DPP6: variants seen among roughly 807,000 people sequenced by gnomAD.
DPP6 encodes the protein A-type potassium channel modulatory protein DPP6.
DPP6 carries 69 observed loss-of-function variants against 122.6 expected under a neutral mutation model. The observed-to-expected ratio is 0.56, with a 90% CI of 0.46 to 0.69. The LOEUF (loss-of-function observed/expected upper bound fraction) is 0.69, where lower values mean the gene tolerates loss of function less well. Among genes scored for constraint, DPP6 ranks in the 30% least tolerant of loss-of-function variants. The pLI is 0.00. For synonymous variants in DPP6, 418 were observed against 433.1 expected (o/e 0.97, Z 0.43); for missense variants, 928 against 1,116.9 (o/e 0.83, Z 2.41).
At position 154,481,689 on chromosome 7, in the gene DPP6, T is replaced by C. The variant is rs1300927315; in HGVS notation, c.457+6652T>C. Among the ~76,000 whole-genome samples the C allele has an allele frequency of 1.3e-5, 2 of 152,106 alleles. No individual in the cohort carries two copies. Among genetic ancestry groups the C allele is most frequent in the African/African-American group, 4.8e-5 (2 of 41,412 alleles). On this transcript the variant is annotated intron_variant, in intron 3 of 25. Transcript: ENST00000377770. This position sits in a 1 kb window ranked among gnomAD's most constrained non-coding sequence, Gnocchi z 4.2. The stretch of plus-strand genomic sequence containing the variant: ...CCAGAGTGGCTCTTACATAGGATGT[T>C]CCTTCTGTCCAGCCCACTCGCTCTC...
chr7:154,547,494 G>C (rs1186871948), intron 4 of DPP6, among the ~76,000 whole-genome samples: 2 of 152,184 alleles, frequency 1.3e-5, no homozygotes, highest in East Asian at 1.9e-4. Context: ...CCTCAGACAG[G>C]ACATGGGCCG....
intron 6 of DPP6, among the ~76,000 whole-genome samples, chr7:154,659,892 T>A (rs10232618): frequency 0.66 from 100,598 of 152,162 alleles, 35,633 homozygotes; most frequent in Non-Finnish European, 0.8. Flanking sequence ...TTAATAGCCA[T>A]TGTTTCTCTT....
At chr7:154,586,780 G>C (rs953145265) in intron 5 of DPP6, among the ~76,000 whole-genome samples, 1 of 152,080 alleles carries the variant, frequency 6.6e-6, no homozygotes, top group Admixed American at 6.5e-5. Flanking sequence ...TGTCCAGCTG[G>C]TGATCTCTTC....
At chr7:154,788,568 G>A (rs1343988284) in intron 10 of DPP6, among the ~76,000 whole-genome samples, 1 of 152,114 alleles carries the variant, frequency 6.6e-6, no homozygotes, top group Non-Finnish European at 1.5e-5. Flanking sequence ...CTTCAGATCA[G>A]CCTAAATTTT....
At chr7:154,035,198 G>A (rs997008817) in intron 1 of DPP6, among the ~76,000 whole-genome samples, 5 of 152,224 alleles carry the variant, frequency 3.3e-5, no homozygotes, top group Admixed American at 6.5e-5. Context: ...TTGGGGTTCA[G>A]TGGACAAGGT....
At chr7:154,172,345 A>G (rs1209540642) in intron 1 of DPP6, among the ~76,000 whole-genome samples, 1 of 152,216 alleles carries the variant, frequency 6.6e-6, no homozygotes, top group African/African-American at 2.4e-5. Context: ...GATGAGACTC[A>G]GGAGGCAAAT....
At chr7:153,866,588 A>G in the DPP6 span, among the ~76,000 whole-genome samples, 2 of 152,074 alleles carry the variant, frequency 1.3e-5, no homozygotes, top group African/African-American at 4.8e-5. Flanking sequence ...ATTTTCTCCC[A>G]TTCTGTAGGT....
At chr7:154,097,323 G>A (rs200445579) in intron 1 of DPP6, among the ~76,000 whole-genome samples, 6,330 of 151,272 alleles carry the variant, frequency 0.042, no homozygotes, top group East Asian at 0.21. Flanking sequence ...ACAACAGCAG[G>A]AGCAGCAGCA....
chr7:153,942,037 C>T (rs1801718789), intron 1 of DPP6, among the ~76,000 whole-genome samples: 3 of 152,192 alleles, frequency 2.0e-5, no homozygotes, highest in African/African-American at 4.8e-5. Flanking sequence ...TGAAAAGATG[C>T]TGGATAGAGA....
chr7:154,696,814 A>C (rs1023150446), intron 7 of DPP6, among the ~76,000 whole-genome samples: 1 of 152,198 alleles, frequency 6.6e-6, no homozygotes, highest in Non-Finnish European at 1.5e-5. Flanking sequence ...GTGGGCAGCC[A>C]AAGGCCGATT....
the DPP6 span, among the ~76,000 whole-genome samples, chr7:153,848,230 C>T: frequency 6.6e-6 from 1 of 151,952 alleles, no homozygotes; most frequent in Non-Finnish European, 1.5e-5. Flanking sequence ...GGGTAATTAA[C>T]ATGGTCGCCC....
At chr7:154,285,608 CA>C (rs1216032736) in intron 1 of DPP6, among the ~76,000 whole-genome samples, 1 of 152,160 alleles carries the variant, frequency 6.6e-6, no homozygotes, top group East Asian at 1.9e-4. Flanking sequence ...TATAAAATCA[CA>C]GCCATAGTAA....
chr7:154,282,255 A>T lies in DPP6; in HGVS notation c.244-163959A>T, dbSNP rs927304263. ...GGTTTTCATTGATGGTGGCAGCTTT[A>T]GCCAGGCAGTGGTTTCCCTGTTGTA... On this transcript the variant is annotated intron_variant, in intron 1 of 25. Coordinates refer to ENST00000377770, the MANE Select transcript of DPP6 (RefSeq NM_130797.4). This position sits in a 1 kb window ranked among gnomAD's most constrained non-coding sequence, Gnocchi z 4.8. 7.2e-5 allele frequency among the ~76,000 whole-genome samples: 11 copies of T among 152,102 alleles called. No individual in the cohort carries two copies. Among genetic ancestry groups the T allele is most frequent in the African/African-American group, 2.7e-4 (11 of 41,396 alleles).
chr7:153,882,151 T>A (rs981648207), upstream of DPP6, among the ~76,000 whole-genome samples: 25 of 152,232 alleles, frequency 1.6e-4, no homozygotes, highest in African/African-American at 5.8e-4. Flanking sequence ...ACGATTATTA[T>A]CATACCTGTG....
the DPP6 span, among the ~76,000 whole-genome samples, chr7:153,832,877 G>A: frequency 6.6e-6 from 1 of 152,120 alleles, no homozygotes; most frequent in African/African-American, 2.4e-5. Flanking sequence ...CTCATGTCGT[G>A]TTGGGGCAAT....
intron 3 of DPP6, among the ~76,000 whole-genome samples, chr7:154,492,701 G>A (rs1190436477): frequency 6.6e-6 from 1 of 152,170 alleles, no homozygotes; most frequent in Non-Finnish European, 1.5e-5. Context: ...CAAGTCTCAT[G>A]GCTAGTGTCA....
the DPP6 span, among the ~76,000 whole-genome samples, chr7:153,814,807 C>T: frequency 4.8e-3 from 724 of 151,904 alleles, 7 homozygotes; most frequent in South Asian, 0.024. Context: ...GTTCAATATA[C>T]GCAAATCAAT....
At chr7:154,027,886 G>C (rs141427173) in intron 1 of DPP6, among the ~76,000 whole-genome samples, 4,543 of 151,588 alleles carry the variant, frequency 0.03, 96 homozygotes, top group South Asian at 0.076. Flanking sequence ...CATACTGACA[G>C]CATGAGCCCA....
Position 154,085,588 on chromosome 7 carries a change from G to A in DPP6, c.243+32525G>A, listed in dbSNP as rs1387825466. On this transcript the variant is annotated intron_variant, in intron 1 of 25. Coordinates refer to ENST00000377770, the MANE Select transcript of DPP6 (RefSeq NM_130797.4). ...CTGGAACTGTGATGTTGTTTATGTC[G>A]AGTCCCAGAAGTTAAGGCAGAAGGG... is the stretch of plus-strand genomic sequence containing the variant. Among the ~76,000 whole-genome samples, 2 of 152,168 alleles carry A rather than the reference G, an allele frequency of 1.3e-5. 1 individual carries two copies. Among genetic ancestry groups the A allele is most frequent in the South Asian group, 4.2e-4 (2 of 4,818 alleles).
Sources: gnomAD v4.1 joint callset for allele counts (sites outside exome capture counted in the v4.1 genomes callset) on GRCh38, gnomAD v4.1.1 for gene constraint, Gnocchi (gnomAD v3.1) non-coding constraint, MANE v1.5 for transcripts, NCBI Gene and HGNC (gene_info 2026-07-23, HGNC 2026-07-21) for gene names.